The following TLN2 variants were observed in gnomAD, a reference collection of about 807,000 sequenced individuals.
TLN2 encodes talin-2.
A neutral mutation model predicts 294.7 loss-of-function variants in TLN2; 118 were observed. The observed-to-expected ratio is 0.40, with a 90% CI of 0.34 to 0.47. The LOEUF (loss-of-function observed/expected upper bound fraction) is 0.47. Among genes scored for constraint, TLN2 ranks in the 20% least tolerant of loss-of-function variants. The pLI is 0.84. For synonymous variants in TLN2, 1,431 were observed against 1,304.5 expected (o/e 1.10, Z -2.09); for missense variants, 3,083 against 3,282.2 (o/e 0.94, Z 1.48).
chr15:62,615,634 C>CGT (rs1476947653), intron 2 of TLN2, among the ~76,000 whole-genome samples: 1 of 152,276 alleles, frequency 6.6e-6, no homozygotes, highest in Admixed American at 6.5e-5. Context: ...TTCATATGCA[C>CGT]GTGTGTATGT....
At chr15:62,677,706 C>A (rs2056374312) in intron 11 of TLN2, among the ~76,000 whole-genome samples, 1 of 151,486 alleles carries the variant, frequency 6.6e-6, no homozygotes, top group Non-Finnish European at 1.5e-5. Context: ...CTTCTCTCTC[C>A]CTTTCCTCTC....
chr15:62,820,643 T>G, intron 54 of TLN2, 33 bp downstream of exon 54: 1 of 1,601,980 alleles, frequency 6.2e-7, no homozygotes, highest in South Asian at 1.1e-5. Context: ...CTGTCCGATG[T>G]CAGTGGGTTC....
intron 35 of TLN2, among the ~76,000 whole-genome samples, chr15:62,753,544 A>G (rs938854101): frequency 6.6e-6 from 1 of 152,212 alleles, no homozygotes; most frequent in Non-Finnish European, 1.5e-5. Flanking sequence ...CAGAAGAACA[A>G]GGACACTTTG....
chr15:62,667,127 G>A (rs375438454), intron 9 of TLN2, among the ~76,000 whole-genome samples: 17 of 152,034 alleles, frequency 1.1e-4, no homozygotes, highest in Non-Finnish European at 1.6e-4. Flanking sequence ...CACCACGCCC[G>A]GCTAATTTTT....
chr15:62,810,219 G>A (rs939438572), intron 52 of TLN2, among the ~76,000 whole-genome samples, 187 bp downstream of exon 52: 6 of 152,132 alleles, frequency 3.9e-5, no homozygotes, highest in African/African-American at 9.7e-5. Flanking sequence ...CTAAAAGTGC[G>A]GTCTGGACGA....
intron 1 of TLN2, among the ~76,000 whole-genome samples, chr15:62,584,415 T>C (rs376389842): frequency 6.6e-6 from 1 of 152,330 alleles, no homozygotes; most frequent in African/African-American, 2.4e-5. Context: ...CTACTAGGAC[T>C]CTTTTCTCTT....
At chr15:62,838,728 C>T (rs1328037820) in intron 57 of TLN2, 128 bp from the exon 58 acceptor site, 7 of 1,268,596 alleles carry the variant, frequency 5.5e-6, no homozygotes, top group African/African-American at 1.6e-5. Context: ...TCTCTGGCTA[C>T]AGAACTTGAT....
chr15:62,766,226 G>A, intron 40 of TLN2, 95 bp from the exon 41 acceptor site: 3 of 1,046,586 alleles, frequency 2.9e-6, no homozygotes, highest in South Asian at 1.6e-5. Context: ...TCTGCTTTGT[G>A]TGGCCTCTGT....
intron 3 of TLN2, chr15:62,645,373 A>G (rs2051708170): frequency 6.6e-6 from 1 of 152,198 alleles, no homozygotes; most frequent in Non-Finnish European, 1.5e-5. Flanking sequence ...TTTATTGAGA[A>G]GTGTATCCTG....
chr15:62,681,016 T>C (rs772641350), intron 11 of TLN2, among the ~76,000 whole-genome samples: 10 of 152,196 alleles, frequency 6.6e-5, no homozygotes, highest in African/African-American at 1.2e-4. Context: ...TCTTTGGCAG[T>C]TGTCAATTGT....
intron 1 of TLN2, among the ~76,000 whole-genome samples, chr15:62,399,445 C>T (rs915088813): frequency 1.3e-5 from 2 of 152,056 alleles, no homozygotes; most frequent in African/African-American, 2.4e-5. Flanking sequence ...AAGAGGGCCA[C>T]CATCCTCACA....
intron 1 of TLN2, among the ~76,000 whole-genome samples, chr15:62,452,348 A>G (rs905531964): frequency 6.6e-6 from 1 of 152,214 alleles, no homozygotes; most frequent in African/African-American, 2.4e-5. Context: ...GTAGATACCT[A>G]TTCCGTGAAG....
chr15:62,798,272 G>A (rs548354993), intron 48 of TLN2, among the ~76,000 whole-genome samples: 1 of 152,164 alleles, frequency 6.6e-6, no homozygotes, highest in East Asian at 1.9e-4. Context: ...GCTAGGGAAG[G>A]GCCCTGTGCT....
intron 1 of TLN2, among the ~76,000 whole-genome samples, chr15:62,510,974 AT>A (rs1285769421): frequency 3.9e-5 from 6 of 152,368 alleles, no homozygotes; most frequent in African/African-American, 1.4e-4. Context: ...ATTCGAAAGC[AT>A]TTTGACAAGA....
At chr15:62,559,511 C>G (rs2042793326) in intron 1 of TLN2, among the ~76,000 whole-genome samples, 1 of 152,214 alleles carries the variant, frequency 6.6e-6, no homozygotes, top group African/African-American at 2.4e-5. Flanking sequence ...TTTAGCCAGA[C>G]CATGTGCATT....
rs148921307 is a variant in TLN2, at chr15:62,763,414, G to A, written c.4962-149G>A. 857 of 973,772 alleles carry A rather than the reference G, an allele frequency of 8.8e-4. 2 individuals are homozygous for A. The African/African-American group carries it at 0.012, about 14-fold the overall frequency. 60.3% of individuals were successfully genotyped at this position (973,772 alleles called of 1,614,324 possible). A position where few individuals can be genotyped will look rare whatever the true frequency, so the allele number is the denominator to read the frequency against. On this transcript the variant is annotated intron_variant, in intron 39 of 58. Coordinates refer to ENST00000636159, the MANE Select transcript of TLN2 (RefSeq NM_015059.3). ...GAATGCATGGGCTGTGCAGTGAGAC[G>A]TTGCCAACCAGGGGTCAGGGATTCC...
At chr15:62,537,336 G>A (rs951641482) in intron 1 of TLN2, among the ~76,000 whole-genome samples, 1 of 152,050 alleles carries the variant, frequency 6.6e-6, no homozygotes, top group Non-Finnish European at 1.5e-5. Context: ...TTTTTAAAAG[G>A]CGTTTTCTAA....
chr15:62,578,758 C>T (rs1166782419), intron 1 of TLN2, among the ~76,000 whole-genome samples: 5 of 152,154 alleles, frequency 3.3e-5, no homozygotes, highest in African/African-American at 7.2e-5. Context: ...GTGTGTCCCT[C>T]GCATCAGCTC....
chr15:62,444,917 G>A (rs564588140), intron 1 of TLN2, among the ~76,000 whole-genome samples: 68 of 152,296 alleles, frequency 4.5e-4, no homozygotes, highest in Non-Finnish European at 7.9e-4. Flanking sequence ...GTGTATGTTT[G>A]GGGGTTGGTT....
Sources: allele counts gnomAD v4.1 joint callset (sites outside exome capture counted in the v4.1 genomes callset), GRCh38; gene constraint gnomAD v4.1.1; transcripts MANE v1.5; gene names NCBI Gene and HGNC (gene_info 2026-07-23, HGNC 2026-07-21).